KCTD2: variants seen among roughly 807,000 people sequenced by gnomAD.
KCTD2 encodes the protein BTB/POZ domain-containing protein KCTD2.
In KCTD2, 18 loss-of-function variants were observed where a neutral mutation model predicts 27.9. The observed-to-expected ratio is 0.64, with a 90% confidence interval of 0.45 to 0.96. KCTD2 has a LOEUF of 0.96. KCTD2 is among the 40% of genes least tolerant of loss of function. The probability of loss-of-function intolerance (pLI) is 0.00; values close to 1 mark genes in which losing one functional copy is unlikely to be tolerated. For missense variants in KCTD2, 280 were observed against 348.0 expected (o/e 0.80, Z 1.56); for synonymous variants, 175 against 148.4 (o/e 1.18, Z -1.30).
At chr17:75,038,331 TG>T (rs2073124702) in intron 3 of KCTD2, among the ~76,000 whole-genome samples, 1 of 152,056 alleles carries the variant, frequency 6.6e-6, no homozygotes. Flanking sequence ...TTAGTAGAGA[TG>T]GGGTTTCACC....
At chr17:75,051,694 G>A (rs775262708) in intron 2 of KCTD2, among the ~76,000 whole-genome samples, 5 of 151,014 alleles carry the variant, frequency 3.3e-5, no homozygotes, top group Non-Finnish European at 7.4e-5. Context: ...TTTGAGAATA[G>A]ATTGCAGATT....
rs1229286536 is a variant in KCTD2, at chr17:75,063,602, C to G, written c.*555C>G. ...AGCATAGAGTTGCCAGAGTACCCCG[C>G]ATTCCCATGAATAGAGCCTCCAAGG... On this transcript the variant is annotated 3_prime_UTR_variant, in exon 6 of 6. Transcript: ENST00000322444. 6.5e-6 allele frequency: 1 copy of G among 154,990 alleles called. No homozygotes were observed. Among genetic ancestry groups the G allele is most frequent in the Non-Finnish European group, 1.4e-5 (1 of 69,580 alleles). 9.6% of individuals were successfully genotyped at this position (154,990 alleles called of 1,614,324 possible).
chr17:75,049,154 C>T, intron 1 of KCTD2, 66 bp from the exon 2 acceptor site: 1 of 943,434 alleles, frequency 1.1e-6, no homozygotes, highest in Non-Finnish European at 1.6e-6. Flanking sequence ...TGGTGAAATC[C>T]TGCCCTGCCT....
upstream of KCTD2, among the ~76,000 whole-genome samples, chr17:75,043,724 C>A (rs1197625459): frequency 3.9e-5 from 6 of 152,074 alleles, no homozygotes; most frequent in Non-Finnish European, 8.8e-5. Context: ...ACATTTCCAC[C>A]CAGATTGTGT....
In KCTD2 at chr17:75,065,180, A is replaced by ATAGACAGGAGTGGTATT. The variant is rs1315841185; in HGVS notation, c.*2135_*2151dup. 6.6e-6 allele frequency: 1 copy of ATAGACAGGAGTGGTATT among 152,116 alleles called. No individual in the cohort carries two copies. Among genetic ancestry groups the ATAGACAGGAGTGGTATT allele is most frequent in the African/African-American group, 2.4e-5 (1 of 41,338 alleles). 9.4% of individuals were successfully genotyped at this position (152,116 alleles called of 1,614,324 possible). A position where few individuals can be genotyped will look rare whatever the true frequency, so the allele number is the denominator to read the frequency against. ...AAGGCACAGGCACGTGCTCTGGGAA[A>ATAGACAGGAGTGGTATT]TAGACAGGAGTGGTATTTCCGCCCT... On this transcript the variant is annotated 3_prime_UTR_variant, in exon 6 of 6. Transcript: ENST00000322444.
intron 3 of KCTD2, chr17:75,039,038 G>A (rs765961993): frequency 1.2e-6 from 2 of 1,613,896 alleles, no homozygotes; most frequent in South Asian, 2.2e-5. Flanking sequence ...CTGATCAAAT[G>A]GAATTAAGTT....
Position 75,039,351 on chromosome 17 carries a change from G to A in KCTD2, c.-259+3994G>A. 5 of 1,255,870 alleles carry A rather than the reference G, an allele frequency of 4.0e-6. No homozygotes were observed. In the South Asian group the frequency reaches 6.0e-5, roughly 15 times the overall value. The allele number at this position is 1,255,870 out of a possible 1,614,324, so 77.8% of individuals were successfully genotyped here. On this transcript the variant is annotated intron_variant, in intron 3 of 7. Transcript: ENST00000581589. ...AGCTGCTAAGGTAGGAGTCGTCCCA[G>A]CCCACTCCTGCTGTCCTATTGCTCT...
intron 5 of KCTD2, 82 bp from the exon 6 acceptor site, chr17:75,062,936 A>G (rs368706584): frequency 7.6e-6 from 11 of 1,446,486 alleles, no homozygotes; most frequent in Middle Eastern, 1.7e-4. Context: ...CATGCCACTC[A>G]TCGGGTCCAG....
intron 3 of KCTD2, chr17:75,040,137 T>C: frequency 6.2e-7 from 1 of 1,612,596 alleles, no homozygotes; most frequent in South Asian, 1.1e-5. Context: ...ATTTATCCTC[T>C]GGCACGGGAA....
At chr17:75,048,288 C>G (rs1027010095) in intron 1 of KCTD2, among the ~76,000 whole-genome samples, 10 of 152,124 alleles carry the variant, frequency 6.6e-5, no homozygotes, top group African/African-American at 2.4e-4. Context: ...TGAGAGGTGA[C>G]AAGACACTTA....
At chr17:75,054,531 C>T (rs1320212635) in intron 3 of KCTD2, among the ~76,000 whole-genome samples, 4 of 152,064 alleles carry the variant, frequency 2.6e-5, no homozygotes, top group Non-Finnish European at 4.4e-5. Flanking sequence ...GTCGGCCGGG[C>T]GCGGTGGCTC....
chr17:75,053,857 GC>G lies in KCTD2; in HGVS notation c.540+753del, dbSNP rs1182480725. Among the ~76,000 whole-genome samples, 264 of 79,516 alleles carry G rather than the reference GC, an allele frequency of 3.3e-3. 7 individuals are homozygous for G. Among genetic ancestry groups the G allele is most frequent in the African/African-American group, 0.021 (251 of 12,206 alleles). 52.2% of individuals were successfully genotyped at this position (79,516 alleles called of 152,430 possible). A position where few individuals can be genotyped will look rare whatever the true frequency, so the allele number is the denominator to read the frequency against. Reference sequence around the variant, plus strand: ...GCTTCAGCAGCTGCTTGTGAACCATGCTTTTTTTTTTTTTTTTTTTTTTTTT... The same window carrying G: ...GCTTCAGCAGCTGCTTGTGAACCATGTTTTTTTTTTTTTTTTTTTTTTTTT... On this transcript the variant is annotated intron_variant, in intron 3 of 5. Coordinates refer to ENST00000322444, the MANE Select transcript of KCTD2 (RefSeq NM_015353.3).
At chr17:75,054,435 C>T (rs542155838) in intron 3 of KCTD2, among the ~76,000 whole-genome samples, 27 of 152,228 alleles carry the variant, frequency 1.8e-4, no homozygotes, top group Middle Eastern at 3.4e-3. Flanking sequence ...ATATGTTTGT[C>T]GTGTGTTTGA....
chr17:75,062,872 T>C (rs1405951269), intron 5 of KCTD2, 146 bp from the exon 6 acceptor site: 3 of 780,302 alleles, frequency 3.8e-6, no homozygotes, highest in Non-Finnish European at 6.6e-6. Context: ...CCAGAAGCAC[T>C]GCGGGTGAGG....
At chr17:75,048,066 G>A (rs184086698) in intron 1 of KCTD2, among the ~76,000 whole-genome samples, 1 of 152,326 alleles carries the variant, frequency 6.6e-6, no homozygotes, top group African/African-American at 2.4e-5. Context: ...GCTGCAGGAA[G>A]CGCTCCTTGT....
At chr17:75,049,438 T>C (rs1183725767) in intron 2 of KCTD2, 110 bp downstream of exon 2, 15 of 673,456 alleles carry the variant, frequency 2.2e-5, no homozygotes, top group Non-Finnish European at 3.6e-5. Flanking sequence ...TGTGCAGGTA[T>C]AGTTTCAGGT....
rs76245783 is a variant in KCTD2, at chr17:75,065,294, T to G, written c.*2247T>G. ...CCAGCGCTCCAGGACTCTGGGTTCT[T>G]AAGATTTCTGGGAGCGTTGTTCACC... On this transcript the variant is annotated 3_prime_UTR_variant, in exon 6 of 6. Coordinates refer to ENST00000322444, the MANE Select transcript of KCTD2 (RefSeq NM_015353.3). The G allele has an allele frequency of 0.2, 30,710 of 152,132 alleles. 3,934 individuals carry two copies. Among genetic ancestry groups the G allele is most frequent in the Admixed American group, 0.31 (4,753 of 15,282 alleles). 9.4% of individuals were successfully genotyped at this position (152,132 alleles called of 1,614,324 possible).
chr17:75,035,072 G>A (rs1188821696), intron 2 of KCTD2, among the ~76,000 whole-genome samples: 3 of 152,116 alleles, frequency 2.0e-5, no homozygotes, highest in Non-Finnish European at 4.4e-5. Flanking sequence ...AGCGTTTAAT[G>A]GCCATCAAAT....
upstream of KCTD2, chr17:75,042,787 A>G: frequency 1.0e-6 from 1 of 990,572 alleles, no homozygotes; most frequent in South Asian, 1.7e-5. Flanking sequence ...GCAAGTCTTC[A>G]CAAGAATCAC....
Sources: allele counts gnomAD v4.1 joint callset (sites outside exome capture counted in the v4.1 genomes callset), GRCh38; gene constraint gnomAD v4.1.1; transcripts MANE v1.5; gene names NCBI Gene and HGNC (gene_info 2026-07-23, HGNC 2026-07-21).